Variants in BST1 observed in about 807,000 individuals in gnomAD.
The protein encoded by BST1 is bone marrow stromal cell antigen 1.
Under a neutral mutation model 40.6 loss-of-function variants are expected in BST1, and 49 were observed. The observed-to-expected ratio is 1.21, with a 90% CI of 0.96 to 1.53. The LOEUF is 1.53. Among genes scored for constraint, BST1 ranks in the 40% most tolerant of loss-of-function variants. The pLI is 0.00. For missense variants in BST1, 423 were observed against 395.9 expected (o/e 1.07, Z -0.58); for synonymous variants, 157 against 159.3 (o/e 0.99, Z 0.11).
At chr4:15,745,911 A>G in the BST1 span, among the ~76,000 whole-genome samples, 1 of 152,190 alleles carries the variant, frequency 6.6e-6, no homozygotes, top group Non-Finnish European at 1.5e-5. Flanking sequence ...GATATTATCA[A>G]TATAAGGGGC....
chr4:15,766,944 G>A, the BST1 span, among the ~76,000 whole-genome samples: 6 of 151,804 alleles, frequency 4.0e-5, no homozygotes, highest in East Asian at 3.9e-4. Flanking sequence ...TGCATCCCAC[G>A]CCCAGTGCCC....
At chr4:15,731,082 G>C in intron 8 of BST1, 1 of 479,442 alleles carries the variant, frequency 2.1e-6, no homozygotes, top group African/African-American at 2.0e-5. Context: ...GCAGGTGACT[G>C]TTACACACAA....
intron 2 of BST1, among the ~76,000 whole-genome samples, chr4:15,705,927 A>G (rs1719858649): frequency 1.3e-5 from 2 of 152,232 alleles, no homozygotes; most frequent in South Asian, 4.1e-4. Context: ...GAATGGCAAC[A>G]TCTACTTCTG....
the BST1 span, among the ~76,000 whole-genome samples, chr4:15,768,854 C>T: frequency 2.8e-4 from 42 of 152,254 alleles, no homozygotes; most frequent in African/African-American, 9.9e-4. Context: ...AAAAAGCCCT[C>T]CTGACAGCTG....
At chr4:15,708,740 G>A (rs1165285775) in intron 3 of BST1, among the ~76,000 whole-genome samples, 1 of 152,002 alleles carries the variant, frequency 6.6e-6, no homozygotes, top group East Asian at 1.9e-4. Context: ...AATTAGCCAG[G>A]TATGGTGGTG....
chr4:15,719,798 C>A (rs1432593082), intron 7 of BST1, among the ~76,000 whole-genome samples: 2 of 152,208 alleles, frequency 1.3e-5, no homozygotes, highest in African/African-American at 4.8e-5. Flanking sequence ...ATTCTCCCAG[C>A]TGAGCAAAGC....
the BST1 span, among the ~76,000 whole-genome samples, chr4:15,751,017 C>T: frequency 6.6e-6 from 1 of 152,072 alleles, no homozygotes; most frequent in African/African-American, 2.4e-5. Flanking sequence ...AGCTCTCAGC[C>T]TAGTGTTTGG....
chr4:15,708,241 G>A (rs868704456), intron 3 of BST1, among the ~76,000 whole-genome samples: 116 of 152,068 alleles, frequency 7.6e-4, no homozygotes, highest in Admixed American at 5.2e-3. Context: ...CCAGGCCGCC[G>A]GCAGATATTT....
chr4:15,703,458 T>A (rs1309569124), intron 1 of BST1, 126 bp downstream of exon 1: 51 of 1,303,620 alleles, frequency 3.9e-5, no homozygotes, highest in Admixed American at 1.1e-4. Flanking sequence ...AGGGGAGAGG[T>A]GAGTGTGGAG....
chr4:15,751,345 G>T, the BST1 span, among the ~76,000 whole-genome samples: 2 of 152,126 alleles, frequency 1.3e-5, no homozygotes, highest in African/African-American at 2.4e-5. Context: ...GGCAGGGCTG[G>T]AGTCACATGA....
At position 15,719,505 on chromosome 4, in the gene BST1, C is replaced by T. The variant is rs1163311934; in HGVS notation, c.791+512C>T. On this transcript the variant is annotated intron_variant, in intron 7 of 8. Transcript: ENST00000265016. ...TCATTTGTGGGCCTTGTTGCTTGGA[C>T]ATTTTTTTTTTAAAAAACTTGGCTC... is the stretch of plus-strand genomic sequence containing the variant. 3.3e-5 allele frequency among the ~76,000 whole-genome samples: 5 copies of T among 152,106 alleles called. No individual in the cohort carries two copies. In the East Asian group the frequency reaches 7.7e-4, roughly 24 times the overall value.
chr4:15,731,913 C>A lies in BST1; in HGVS notation c.*68C>A. 1 of 1,510,698 alleles carries A rather than the reference C, an allele frequency of 6.6e-7. No individual in the cohort carries two copies. The highest frequency in any genetic ancestry group is 1.3e-5 in the South Asian group (1 of 78,014). 93.6% of individuals were successfully genotyped at this position (1,510,698 alleles called of 1,614,324 possible). On this transcript the variant is annotated 3_prime_UTR_variant, in exon 9 of 9. Coordinates refer to ENST00000265016, the MANE Select transcript of BST1 (RefSeq NM_004334.3). ...TCCCCTTGCAGTCATCATTCGTGTT[C>A]TGTGTATACCAAATGATTCTGTTAT...
chr4:15,724,738 G>A (rs1721006945), intron 8 of BST1, among the ~76,000 whole-genome samples: 1 of 152,038 alleles, frequency 6.6e-6, no homozygotes, highest in Non-Finnish European at 1.5e-5. Context: ...GAGAGCACAT[G>A]CACTGGTGAG....
chr4:15,746,584 C>G, the BST1 span, among the ~76,000 whole-genome samples: 1 of 152,184 alleles, frequency 6.6e-6, no homozygotes, highest in Non-Finnish European at 1.5e-5. Flanking sequence ...TGTGATAACA[C>G]CATTAATCCC....
rs35788103 is a variant in BST1, at chr4:15,718,244, AGTGTGTGTGT to A, written c.705-646_705-637del. 2.6e-3 allele frequency among the ~76,000 whole-genome samples: 394 copies of A among 149,052 alleles called. 6 individuals carry two copies. The highest frequency in any genetic ancestry group is 9.3e-3 in the African/African-American group (380 of 40,790). On this transcript the variant is annotated intron_variant, in intron 6 of 8. Coordinates refer to ENST00000265016, the MANE Select transcript of BST1 (RefSeq NM_004334.3). ...CTGGAGCTAAAAATAATGGCAGAGA[AGTGTGTGTGT>A]GTGTGTGTGTGTGTGTCTGTGTATA... is the stretch of plus-strand genomic sequence containing the variant.
At chr4:15,762,252 T>C in the BST1 span, among the ~76,000 whole-genome samples, 2 of 149,524 alleles carry the variant, frequency 1.3e-5, no homozygotes, top group African/African-American at 5.0e-5. Context: ...TGCATACATA[T>C]GTGTGTGTAT....
At chr4:15,752,912 A>G in the BST1 span, among the ~76,000 whole-genome samples, 4 of 152,230 alleles carry the variant, frequency 2.6e-5, no homozygotes, top group Non-Finnish European at 5.9e-5. Flanking sequence ...TGATAATGTA[A>G]ATAGTACATA....
intron 4 of BST1, among the ~76,000 whole-genome samples, chr4:15,713,554 G>A (rs1185479935): frequency 6.6e-6 from 1 of 152,134 alleles, no homozygotes; most frequent in Non-Finnish European, 1.5e-5. Context: ...AGATAATAAA[G>A]TAAGGTACAG....
chr4:15,703,423 T>C, intron 1 of BST1, 91 bp downstream of exon 1: 2 of 1,409,654 alleles, frequency 1.4e-6, no homozygotes, highest in African/African-American at 1.7e-5. Flanking sequence ...AAGTTCGGGG[T>C]GAGGGGGCAA....
Sources: gnomAD v4.1 joint callset for allele counts (sites outside exome capture counted in the v4.1 genomes callset) on GRCh38, gnomAD v4.1.1 for gene constraint, MANE v1.5 for transcripts, NCBI Gene and HGNC (gene_info 2026-07-23, HGNC 2026-07-21) for gene names.